STK3: variants seen among roughly 807,000 people sequenced by gnomAD.
STK3 encodes serine/threonine-protein kinase 3.
A neutral mutation model predicts 58.0 loss-of-function variants in STK3; 41 were observed. That is an observed-to-expected ratio of 0.71 (90% CI 0.55 to 0.92). The LOEUF is 0.92. Among genes scored for constraint, STK3 ranks in the 40% least tolerant of loss-of-function variants. The pLI is 0.00. For synonymous variants in STK3, 170 were observed against 191.0 expected (o/e 0.89, Z 0.91); for missense variants, 479 against 602.7 (o/e 0.79, Z 2.15).
chr8:98,484,714 A>G (rs561258504), intron 10 of STK3, among the ~76,000 whole-genome samples: 1 of 152,222 alleles, frequency 6.6e-6, no homozygotes, highest in Admixed American at 6.5e-5. Flanking sequence ...TCAATGGTGC[A>G]GTTAATAAGG....
intron 3 of STK3, among the ~76,000 whole-genome samples, chr8:98,845,270 T>G (rs1027470700): frequency 1.3e-5 from 2 of 152,260 alleles, no homozygotes; most frequent in African/African-American, 4.8e-5. Context: ...TTTTATGTCT[T>G]ATGTGCTTAC....
intron 6 of STK3, among the ~76,000 whole-genome samples, chr8:98,659,229 T>C (rs1821785441): frequency 6.6e-6 from 1 of 152,104 alleles, no homozygotes; most frequent in Non-Finnish European, 1.5e-5. Context: ...CAAGGAGTAA[T>C]ATATCACTTA....
chr8:98,825,927 G>C (rs1328963084), upstream of STK3, among the ~76,000 whole-genome samples: 1 of 147,230 alleles, frequency 6.8e-6, no homozygotes, highest in African/African-American at 2.4e-5. Context: ...GGACGGAGCC[G>C]GGCACCGCGG....
At chr8:98,695,857 G>T (rs1396462167) in intron 6 of STK3, among the ~76,000 whole-genome samples, 1 of 152,076 alleles carries the variant, frequency 6.6e-6, no homozygotes, top group Non-Finnish European at 1.5e-5. Flanking sequence ...GCTCTTTTTG[G>T]GTTCCATATG....
At chr8:98,383,135 A>T (rs1817755519) in intron 1 of STK3, among the ~76,000 whole-genome samples, 1 of 152,120 alleles carries the variant, frequency 6.6e-6, no homozygotes, top group African/African-American at 2.4e-5. Flanking sequence ...TGTCTCATTC[A>T]TCCTTAACAG....
At chr8:98,631,940 C>G (rs1439324589) in intron 6 of STK3, among the ~76,000 whole-genome samples, 2 of 152,268 alleles carry the variant, frequency 1.3e-5, no homozygotes, top group Non-Finnish European at 2.9e-5. Flanking sequence ...GCTGGGATTA[C>G]AGGCGTGGGC....
At chr8:98,351,790 C>T in the STK3 span, among the ~76,000 whole-genome samples, 3 of 152,164 alleles carry the variant, frequency 2.0e-5, no homozygotes, top group African/African-American at 7.2e-5. Context: ...AGAGAAATGG[C>T]TAATTCCAAA....
intron 2 of STK3, among the ~76,000 whole-genome samples, chr8:98,372,662 T>C (rs4565432): frequency 0.66 from 100,226 of 152,122 alleles, 33,342 homozygotes; most frequent in Middle Eastern, 0.71. Context: ...CACTTCCACA[T>C]TGTAGGCAGA....
intron 1 of STK3, among the ~76,000 whole-genome samples, chr8:98,384,879 C>CA: frequency 6.6e-6 from 1 of 152,280 alleles, no homozygotes; most frequent in East Asian, 1.9e-4. Context: ...TTCCACCTCT[C>CA]ATCACGTCAT....
Position 98,373,141 on chromosome 8 carries a change from C to T in STK3, n.112-1463G>A, listed in dbSNP as rs115883751. On this transcript the variant is annotated intron_variant and non_coding_transcript_variant, in intron 2 of 2. Coordinates refer to the STK3 transcript ENST00000518704. ...GATTATTTGAGAACAGCCCCTCCCA[C>T]CAGAGTTGGTGCTCCATAAATGGCA... Among the ~76,000 whole-genome samples the T allele has an allele frequency of 6.7e-3, 1,018 of 152,270 alleles. 9 individuals carry two copies. Among genetic ancestry groups the T allele is most frequent in the African/African-American group, 0.024 (983 of 41,546 alleles).
At chr8:98,699,323 T>C (rs1399978239) in intron 6 of STK3, among the ~76,000 whole-genome samples, 3 of 152,098 alleles carry the variant, frequency 2.0e-5, no homozygotes, top group Non-Finnish European at 4.4e-5. Context: ...TCCTGTAGCT[T>C]GGAGTAGTTT....
intron 3 of STK3, among the ~76,000 whole-genome samples, chr8:98,831,403 C>T (rs1166209869): frequency 6.6e-6 from 1 of 152,150 alleles, no homozygotes; most frequent in African/African-American, 2.4e-5. Context: ...TAGGCATCCA[C>T]CACCATGCCC....
At chr8:98,587,169 A>G (rs1478775225) in intron 7 of STK3, among the ~76,000 whole-genome samples, 1 of 151,630 alleles carries the variant, frequency 6.6e-6, no homozygotes, top group African/African-American at 2.4e-5. Context: ...TGGCTTTTCT[A>G]GTTCTTTTAA....
chr8:98,463,050 C>A (rs1358734285), intron 10 of STK3: 1 of 152,194 alleles, frequency 6.6e-6, no homozygotes, highest in Non-Finnish European at 1.5e-5. Context: ...GAAGTGAGCA[C>A]CGTCTCAATT....
intron 1 of STK3, among the ~76,000 whole-genome samples, chr8:98,819,705 G>C (rs1024610588): frequency 2.6e-5 from 4 of 152,080 alleles, no homozygotes; most frequent in African/African-American, 9.7e-5. Flanking sequence ...TTTTTTAAGA[G>C]TTCTTAGAGT....
At chr8:98,543,638 C>G (rs1241149628) in intron 9 of STK3, among the ~76,000 whole-genome samples, 2 of 152,148 alleles carry the variant, frequency 1.3e-5, no homozygotes. Flanking sequence ...TGCATGATAA[C>G]ATTTCACTTT....
chr8:98,431,760 T>C (rs1818336124), intron 3 of STK3: 1 of 167,160 alleles, frequency 6.0e-6, no homozygotes, highest in Admixed American at 6.5e-5. Context: ...TTGACTTTTC[T>C]TTTTGGTAAT....
chr8:98,531,711 GTTGTTTA>G (rs945072627), intron 9 of STK3, among the ~76,000 whole-genome samples: 1 of 152,186 alleles, frequency 6.6e-6, no homozygotes, highest in African/African-American at 2.4e-5. Flanking sequence ...TTGAAATTCT[GTTGTTTA>G]GGGTAGCCAC....
intron 3 of STK3, among the ~76,000 whole-genome samples, chr8:98,831,331 C>T (rs564420049): frequency 1.6e-4 from 25 of 152,328 alleles, no homozygotes; most frequent in African/African-American, 6.0e-4. Flanking sequence ...AAGCCCACTA[C>T]AACCTTGAAC....
Sources: gnomAD v4.1 joint callset for allele counts (sites outside exome capture counted in the v4.1 genomes callset) on GRCh38, gnomAD v4.1.1 for gene constraint, MANE v1.5 for transcripts, NCBI Gene and HGNC (gene_info 2026-07-23, HGNC 2026-07-21) for gene names.